The following OAS1 variants were observed in gnomAD, a reference collection of about 807,000 sequenced individuals.
OAS1 encodes 2'-5'-oligoadenylate synthase 1.
OAS1 carries 24 observed loss-of-function variants against 38.5 expected under a neutral mutation model. The ratio of observed to expected loss-of-function variants is 0.62; its 90% CI spans 0.45 to 0.88. The LOEUF is 0.88. OAS1 is among the 40% of genes least tolerant of loss of function. The pLI, the probability that OAS1 is intolerant of heterozygous loss-of-function variation, is 0.00. For missense variants in OAS1, 482 were observed against 493.9 expected (o/e 0.98, Z 0.23); for synonymous variants, 169 against 193.9 (o/e 0.87, Z 1.07).
At chr12:112,919,292 C>A in intron 5 of OAS1, 97 bp from the exon 6 acceptor site, 1 of 1,132,548 alleles carries the variant, frequency 8.8e-7, no homozygotes. Context: ...AAAGGGGGAT[C>A]CAGATGGCAT....
chr12:112,931,006 G>C (rs2043593645), intron 6 of OAS1, among the ~76,000 whole-genome samples: 1 of 152,186 alleles, frequency 6.6e-6, no homozygotes, highest in African/African-American at 2.4e-5. Flanking sequence ...ATTTTTCACT[G>C]ATGGGTTCCA....
chr12:112,915,010 A>AGAATT (rs1290304888), intron 3 of OAS1, among the ~76,000 whole-genome samples: 1 of 149,434 alleles, frequency 6.7e-6, no homozygotes, highest in African/African-American at 2.5e-5. Flanking sequence ...AGTTCTTTGT[A>AGAATT]GATTCTGGAT....
chr12:112,916,834 A>C (rs1391666584), intron 4 of OAS1, 96 bp downstream of exon 4: 2 of 894,350 alleles, frequency 2.2e-6, no homozygotes, highest in Non-Finnish European at 3.7e-6. Context: ...AGGGCTCCCC[A>C]CTTAGTGAGA....
chr12:112,913,278 G>C (rs1209346633), intron 3 of OAS1, among the ~76,000 whole-genome samples: 2 of 152,160 alleles, frequency 1.3e-5, no homozygotes, highest in Non-Finnish European at 2.9e-5. Flanking sequence ...GCATGTAAAA[G>C]TTTTCTCTTT....
rs775788574 is a variant in OAS1, at chr12:112,907,133, C to T, written c.94C>T (p.His32Tyr). The change falls in exon 1 of 6, where the codon CAT (histidine) becomes TAT (tyrosine). Residue 32 changes from histidine (H) to tyrosine (Y), a missense_variant. Physicochemically the swap from His to Tyr is moderately conservative, Grantham distance 83 (BLOSUM62 2). Transcript: ENST00000202917. ...CACGTGTTTCCGCATGCAAATCAAC[C>T]ATGCCATTGACATCATCTGTGGGTT... is the stretch of plus-strand genomic sequence containing the variant. ...PDTCFRMQIN[H>Y]AIDIICGFLK... 1 of 1,614,228 alleles carries T rather than the reference C, an allele frequency of 6.2e-7. No individual in the cohort carries two copies.
downstream of OAS1, among the ~76,000 whole-genome samples, chr12:112,922,295 A>G (rs112959506): frequency 2.3e-3 from 349 of 152,182 alleles, 2 homozygotes; most frequent in African/African-American, 8.2e-3. Context: ...CAGTTCCAAA[A>G]ATCAGGAAGG....
At chr12:112,931,878 G>A (rs1565969733) in exon 7 of OAS1, 3 of 694,498 alleles carry the variant, frequency 4.3e-6, no homozygotes, top group African/African-American at 3.7e-5. Context: ...TCATTTTCAG[G>A]TAAACCTCAC....
At position 112,917,538 on chromosome 12, in the gene OAS1, G is replaced by A. The variant is rs2043478131; in HGVS notation, c.885-9G>A. The A allele has an allele frequency of 1.9e-6, 3 of 1,613,846 alleles. No individual in the cohort carries two copies. The Admixed American group carries it at 5.0e-5, about 27-fold the overall frequency. ...TCTCACCTGTCCCTCTCTAAATGCT[G>A]CTCTGCAGGCCTGTGATCCTGGACC... On this transcript the variant is annotated splice_polypyrimidine_tract_variant and intron_variant, in intron 4 of 5. Transcript: ENST00000202917.
chr12:112,916,753 C>A lies in OAS1; in HGVS notation c.884+15C>A. ...ACGAAACCCAGGTATGCTATCCCCA[C>A]ATGGCTTAGCTCCCCTATGTAAATG... On this transcript the variant is annotated intron_variant, in intron 4 of 5. Coordinates refer to ENST00000202917, the MANE Select transcript of OAS1 (RefSeq NM_016816.4). The A allele has an allele frequency of 1.9e-6, 3 of 1,573,786 alleles. No homozygotes were observed. Among genetic ancestry groups the A allele is most frequent in the Non-Finnish European group, 2.6e-6 (3 of 1,143,368 alleles).
intron 3 of OAS1, 127 bp downstream of exon 3, chr12:112,911,362 G>C (rs1475108270): frequency 1.4e-6 from 1 of 699,038 alleles, no homozygotes; most frequent in African/African-American, 1.8e-5. Context: ...TAGAGGGATG[G>C]AAAAAGGAGA....
rs1029842451 is a variant in OAS1 at position 112,910,857 on chromosome 12, G to A, written c.470-194G>A. The stretch of plus-strand genomic sequence containing the variant: ...TGCTGCCATAGTTCCGGCGAGTGAC[G>A]GTGGTGGCTTGGATGGGGTGATGGC... On this transcript the variant is annotated intron_variant, in intron 2 of 5. Coordinates refer to ENST00000202917, the MANE Select transcript of OAS1 (RefSeq NM_016816.4). Among the ~76,000 whole-genome samples, 22 of 152,088 alleles carry A rather than the reference G, an allele frequency of 1.4e-4. 1 individual carries two copies. Among genetic ancestry groups the A allele is most frequent in the South Asian group, 1.0e-3 (5 of 4,814 alleles).
chr12:112,918,031 A>G, intron 5 of OAS1: 2 of 902,356 alleles, frequency 2.2e-6, no homozygotes, highest in South Asian at 2.3e-5. Flanking sequence ...CAACAATCCC[A>G]TGAGGCATTT....
At chr12:112,926,053 G>A (rs1433723927) in intron 6 of OAS1, among the ~76,000 whole-genome samples, 5 of 152,236 alleles carry the variant, frequency 3.3e-5, no homozygotes, top group African/African-American at 1.2e-4. Flanking sequence ...GAGATAACAG[G>A]CACTATTTAT....
downstream of OAS1, among the ~76,000 whole-genome samples, chr12:112,924,452 A>G (rs1257404698): frequency 9.5e-6 from 1 of 105,096 alleles, no homozygotes; most frequent in Non-Finnish European, 1.8e-5. Flanking sequence ...CTTGGGAAGA[A>G]TAACATCTAT....
intron 6 of OAS1, among the ~76,000 whole-genome samples, chr12:112,926,550 G>A (rs1376570499): frequency 1.4e-4 from 11 of 76,708 alleles, no homozygotes. Flanking sequence ...GTTTTTATTA[G>A]CAATCTTCAA....
chr12:112,919,796 A>T lies in OAS1; in HGVS notation c.*243A>T. 7.1e-7 allele frequency: 1 copy of T among 1,398,672 alleles called. No individual in the cohort carries two copies. The highest frequency in any genetic ancestry group is 9.5e-7 in the Non-Finnish European group (1 of 1,057,318). The allele number at this position is 1,398,672 out of a possible 1,614,324, so 86.6% of individuals were successfully genotyped here. A position where few individuals can be genotyped will look rare whatever the true frequency, so the allele number is the denominator to read the frequency against. ...AAATATTCCCTGAGAGAGAACAGAG[A>T]GATTTAGATAAGAGAATGAAATTCC... On this transcript the variant is annotated 3_prime_UTR_variant, in exon 6 of 6. Transcript: ENST00000202917.
chr12:112,918,422 T>C (rs1336492702), intron 5 of OAS1: 3 of 295,454 alleles, frequency 1.0e-5, no homozygotes, highest in Non-Finnish European at 2.1e-5. Flanking sequence ...TCCATGACTT[T>C]GCTATTGTGA....
chr12:112,918,069 A>T (rs979340225), intron 5 of OAS1: 6 of 477,764 alleles, frequency 1.3e-5, no homozygotes, highest in Admixed American at 9.3e-5. Flanking sequence ...TTTTAGATTC[A>T]GAGGGCACAT....
chr12:112,927,698 A>G (rs1044232735), intron 6 of OAS1, among the ~76,000 whole-genome samples: 2 of 152,222 alleles, frequency 1.3e-5, no homozygotes, highest in East Asian at 3.8e-4. Context: ...CCCAAGCTGC[A>G]GCATGACTCA....
Sources: gnomAD v4.1 joint callset for allele counts (sites outside exome capture counted in the v4.1 genomes callset) on GRCh38, gnomAD v4.1.1 for gene constraint, MANE v1.5 for transcripts, NCBI Gene and HGNC (gene_info 2026-07-23, HGNC 2026-07-21) for gene names.